The following DOCK9 variants were observed in gnomAD, a reference collection of about 807,000 sequenced individuals.
DOCK9 encodes dedicator of cytokinesis 9.
Under a neutral mutation model 263.3 loss-of-function variants are expected in DOCK9, and 89 were observed. The observed-to-expected ratio is 0.34, with a 90% CI of 0.28 to 0.40. The LOEUF is 0.40. Ranked by LOEUF, DOCK9 falls within the 10% of genes least tolerant of loss-of-function variation. The probability of loss-of-function intolerance (pLI) is 1.00; values close to 1 mark genes in which losing one functional copy is unlikely to be tolerated. For synonymous variants in DOCK9, 976 were observed against 973.1 expected (o/e 1.00, Z -0.06); for missense variants, 2,140 against 2,603.4 (o/e 0.82, Z 3.87).
chr13:98,860,022 C>T (rs951967283), intron 33 of DOCK9: 1 of 255,860 alleles, frequency 3.9e-6, no homozygotes, highest in African/African-American at 2.3e-5. Context: ...TCTGGAATTA[C>T]TATGTCATAT....
chr13:99,078,157 A>C (rs975518876), intron 1 of DOCK9, among the ~76,000 whole-genome samples: 2 of 152,164 alleles, frequency 1.3e-5, no homozygotes, highest in African/African-American at 4.8e-5. Context: ...GCCAAGTAGA[A>C]GAGTCAGGCA....
rs1282260295 is a variant in DOCK9 at position 98,810,276 on chromosome 13, G to T, written c.5146C>A (p.Leu1716Ile). 3.1e-6 allele frequency: 5 copies of T among 1,613,598 alleles called. 1 individual carries two copies. The South Asian group carries it at 5.5e-5, about 18-fold the overall frequency. Residue 1716 changes from leucine to isoleucine, a missense_variant, in exon 46 of 53, where the codon CTC becomes ATC. By Grantham distance (5) the Leu-to-Ile change is conservative. Around this residue, in one of 2 missense-constraint regions of DOCK9, gnomAD observed 619 missense variants for 861.8 expected, o/e 0.72. Transcript: ENST00000682017. ...VHFNEDVLMELLEQCADGLWK... is the reference protein window; with the variant it reads ...VHFNEDVLMEILEQCADGLWK... ...AGTCCATCTGCGCACTGCTCAAGGAGCTCCATCAGCACATCCTGATCAAAG... is the reference window on the plus strand; with the variant it reads ...AGTCCATCTGCGCACTGCTCAAGGATCTCCATCAGCACATCCTGATCAAAG...
At position 98,927,151 on chromosome 13, in the gene DOCK9, G is replaced by A. The variant is rs1439128994; in HGVS notation, c.334-1232C>T. 6.6e-5 allele frequency among the ~76,000 whole-genome samples: 10 copies of A among 152,386 alleles called. No homozygotes were observed. The South Asian group carries it at 1.7e-3, about 25-fold the overall frequency. Reference sequence around the variant, plus strand: ...AATAAATGGCAGAGAAGGGCTAAGCGCAAAGTCAGATTTTGGAGCTGGCAA... The same window carrying A: ...AATAAATGGCAGAGAAGGGCTAAGCACAAAGTCAGATTTTGGAGCTGGCAA... On this transcript the variant is annotated intron_variant, in intron 3 of 52. Transcript: ENST00000682017.
intron 33 of DOCK9, chr13:98,858,116 CA>C (rs1566739824): frequency 6.6e-6 from 1 of 152,092 alleles, no homozygotes; most frequent in Non-Finnish European, 1.5e-5. Flanking sequence ...TGCAATATAT[CA>C]AAATCAATAT....
chr13:98,909,110 G>C (rs1222508562), intron 9 of DOCK9, among the ~76,000 whole-genome samples: 1 of 152,146 alleles, frequency 6.6e-6, no homozygotes, highest in Non-Finnish European at 1.5e-5. Context: ...TCTGGGTTTC[G>C]TGGAGAGGAG....
intron 1 of DOCK9, 113 bp downstream of exon 1, chr13:98,977,671 G>T: frequency 1.0e-6 from 1 of 971,988 alleles, no homozygotes; most frequent in Non-Finnish European, 1.5e-6. Context: ...CAAGGGACAA[G>T]CAGAGCAAGT....
At chr13:99,045,046 A>G (rs1195774598) in intron 1 of DOCK9, among the ~76,000 whole-genome samples, 1 of 152,250 alleles carries the variant, frequency 6.6e-6, no homozygotes, top group Admixed American at 6.5e-5. Flanking sequence ...GAATCCCTGC[A>G]TGCTGTTTGT....
rs140956330 is a variant in DOCK9, at chr13:98,887,400, C to T, written c.2043+758G>A. ...GGGAGGCCAAGGTGGGCAGATCACA[C>T]GGTCAGGAGATCGAGACCATCCTGG... On this transcript the variant is annotated intron_variant, in intron 18 of 52. Transcript: ENST00000682017. Among the ~76,000 whole-genome samples the T allele has an allele frequency of 9.4e-3, 1,415 of 150,554 alleles. 6 individuals carry two copies. Among genetic ancestry groups the T allele is most frequent in the Non-Finnish European group, 0.014 (934 of 67,584 alleles).
intron 2 of DOCK9, among the ~76,000 whole-genome samples, chr13:98,933,744 G>A (rs113266496): frequency 1.2e-4 from 18 of 152,212 alleles, no homozygotes; most frequent in African/African-American, 3.6e-4. Flanking sequence ...ATCCTTCCTC[G>A]TCTATGCATA....
chr13:99,055,263 C>T (rs1317817222), intron 1 of DOCK9, among the ~76,000 whole-genome samples: 1 of 152,192 alleles, frequency 6.6e-6, no homozygotes, highest in East Asian at 1.9e-4. Flanking sequence ...AACTTGCCCT[C>T]TGTGTAGGGT....
In DOCK9 at chr13:98,921,103, T is replaced by C. The variant is rs2140070753; in HGVS notation, c.583-15A>G. The C allele has an allele frequency of 1.9e-6, 3 of 1,589,838 alleles. No homozygotes were observed. Among genetic ancestry groups the C allele is most frequent in the Admixed American group, 3.5e-5 (2 of 56,460 alleles). On this transcript the variant is annotated splice_polypyrimidine_tract_variant and intron_variant, in intron 6 of 52. Transcript: ENST00000682017. ...CTCTTAAATGACTGAGAGAAAAATATACACACAGCTATTCTTTCAAAATGA... is the reference window on the plus strand; with the variant it reads ...CTCTTAAATGACTGAGAGAAAAATACACACACAGCTATTCTTTCAAAATGA...
At chr13:98,979,251 A>AGCG (rs1876442691), upstream of DOCK9, among the ~76,000 whole-genome samples, 1 of 145,122 alleles carries the variant, frequency 6.9e-6, no homozygotes. Context: ...CGGCAGCAGC[A>AGCG]GCAGCAGTAT....
In DOCK9 at chr13:98,880,675, T is replaced by C; in HGVS notation, c.2746-3A>G. ...TATGGCTCAGCCTTATACGCGTACT[T>C]TGAAGAAAAGAGAAAGAGACTTTAA... On this transcript the variant is annotated splice_region_variant and splice_polypyrimidine_tract_variant and intron_variant, in intron 25 of 52. Coordinates refer to ENST00000682017, the MANE Select transcript of DOCK9 (RefSeq NM_001366683.2). 1 of 1,612,946 alleles carries C rather than the reference T, an allele frequency of 6.2e-7. No individual in the cohort carries two copies. Among genetic ancestry groups the C allele is most frequent in the Non-Finnish European group, 8.5e-7 (1 of 1,179,468 alleles).
intron 1 of DOCK9, among the ~76,000 whole-genome samples, chr13:99,008,231 T>C (rs1283371609): frequency 1.9e-4 from 21 of 113,354 alleles, no homozygotes; most frequent in Non-Finnish European, 3.6e-4. Context: ...TATATATATA[T>C]ATATTTTTTT....
intron 45 of DOCK9, among the ~76,000 whole-genome samples, chr13:98,815,425 C>T (rs143404988): frequency 9.9e-5 from 15 of 152,264 alleles, no homozygotes; most frequent in Admixed American, 2.6e-4. Flanking sequence ...TTGGTACCTT[C>T]GGTTCTCATT....
intron 12 of DOCK9, 113 bp from the exon 13 acceptor site, chr13:98,902,013 C>G: frequency 7.7e-7 from 1 of 1,303,924 alleles, no homozygotes; most frequent in African/African-American, 1.5e-5. Context: ...AAAAAGCACC[C>G]AGTGCCAAAC....
Position 98,902,330 on chromosome 13 carries a change from G to C in DOCK9, c.1338C>G (p.Leu446=). Residue 446 remains leucine, a synonymous_variant, in exon 12 of 53, where the codon CTC becomes CTG. Coordinates refer to ENST00000682017, the MANE Select transcript of DOCK9 (RefSeq NM_001366683.2). ...MNGSGQSPSV[L]KGILHEAAMQ... Reference sequence around the variant, plus strand: ...TGGCGGCTTCATGAAGGATGCCCTTGAGGACAGATGGGCTCTGCCCACTGC... The same window carrying C: ...TGGCGGCTTCATGAAGGATGCCCTTCAGGACAGATGGGCTCTGCCCACTGC... The C allele has an allele frequency of 6.2e-7, 1 of 1,613,990 alleles. No individual in the cohort carries two copies. The highest frequency in any genetic ancestry group is 1.1e-5 in the South Asian group (1 of 91,082).
chr13:98,896,963 G>A (rs2047529538), intron 15 of DOCK9, among the ~76,000 whole-genome samples: 1 of 152,214 alleles, frequency 6.6e-6, no homozygotes, highest in Non-Finnish European at 1.5e-5. Flanking sequence ...AGGGAATTTA[G>A]ACAGAGACAC....
At chr13:98,869,786 T>C (rs1182295575) in intron 27 of DOCK9, among the ~76,000 whole-genome samples, 2 of 152,250 alleles carry the variant, frequency 1.3e-5, no homozygotes, top group Admixed American at 6.5e-5. Flanking sequence ...GACCAAATTA[T>C]GGAAGGGATG....
Sources: allele counts gnomAD v4.1 joint callset (sites outside exome capture counted in the v4.1 genomes callset), GRCh38; gene constraint gnomAD v4.1.1; regional missense constraint gnomAD v4.1.1; transcripts MANE v1.5; gene names NCBI Gene and HGNC (gene_info 2026-07-23, HGNC 2026-07-21).